Variants in FKBP5 observed in about 807,000 individuals in gnomAD.
FKBP5 encodes peptidyl-prolyl cis-trans isomerase FKBP5.
FKBP5 carries 23 observed loss-of-function variants against 50.5 expected under a neutral mutation model. The observed-to-expected ratio is 0.46, with a 90% confidence interval of 0.33 to 0.65. The LOEUF is 0.65. Ranked by LOEUF, FKBP5 falls within the 30% of genes least tolerant of loss-of-function variation. The probability of loss-of-function intolerance (pLI) is 0.02; values close to 1 mark genes in which losing one functional copy is unlikely to be tolerated. For synonymous variants in FKBP5, 176 were observed against 190.6 expected, an observed-to-expected ratio of 0.92 and a Z score of 0.63; for missense variants, 411 against 553.1, an observed-to-expected ratio of 0.74 and a Z score of 2.58.
At chr6:35,608,885 T>C (rs1025735885) in intron 5 of FKBP5, among the ~76,000 whole-genome samples, 2 of 152,078 alleles carry the variant, frequency 1.3e-5, no homozygotes, top group Non-Finnish European at 2.9e-5. Context: ...GCCACCTCTG[T>C]CTCCTGGGTT....
At chr6:35,665,608 A>G (rs1215854825) in intron 1 of FKBP5, among the ~76,000 whole-genome samples, 1 of 152,146 alleles carries the variant, frequency 6.6e-6, no homozygotes, top group Non-Finnish European at 1.5e-5. Context: ...TATCTTAAAC[A>G]TTCTAAAAAG....
chr6:35,587,830 G>A (rs1762651510), intron 7 of FKBP5, among the ~76,000 whole-genome samples: 1 of 152,138 alleles, frequency 6.6e-6, no homozygotes, highest in South Asian at 2.1e-4. Flanking sequence ...TTACAAGCTG[G>A]ATTTAGAAGG....
At chr6:35,700,103 A>G (rs1195985873) in intron 2 of FKBP5, among the ~76,000 whole-genome samples, 3 of 152,186 alleles carry the variant, frequency 2.0e-5, no homozygotes, top group Non-Finnish European at 4.4e-5. Flanking sequence ...AATTGTGTCC[A>G]GCTGGATTTC....
intron 1 of FKBP5, among the ~76,000 whole-genome samples, chr6:35,724,212 C>G (rs964162928): frequency 2.0e-5 from 3 of 152,194 alleles, no homozygotes; most frequent in African/African-American, 7.2e-5. Flanking sequence ...GGAACCCAGG[C>G]TCAGCCCCTG....
chr6:35,636,712 A>G (rs1170870079), intron 3 of FKBP5, among the ~76,000 whole-genome samples: 1 of 152,214 alleles, frequency 6.6e-6, no homozygotes, highest in Non-Finnish European at 1.5e-5. Flanking sequence ...GCTGGTTACC[A>G]CTGCCTTGAT....
rs185536192 is a variant in FKBP5, at chr6:35,617,072, G to A, written c.508+2024C>T. 6.4e-4 allele frequency among the ~76,000 whole-genome samples: 98 copies of A among 152,154 alleles called. 1 individual carries two copies. The highest frequency in any genetic ancestry group is 2.3e-3 in the African/African-American group (96 of 41,486). ...CCAGCCTGAGGCCAGGGCTGAGGCT[G>A]GAACCCTATCTCCCAACTCCTAGTC... On this transcript the variant is annotated intron_variant, in intron 5 of 10. Transcript: ENST00000357266.
At chr6:35,657,573 C>G (rs1220085216) in intron 1 of FKBP5, among the ~76,000 whole-genome samples, 1 of 152,218 alleles carries the variant, frequency 6.6e-6, no homozygotes, top group Non-Finnish European at 1.5e-5. Context: ...ACCTGGATAA[C>G]CCAGGATAAT....
intron 2 of FKBP5, among the ~76,000 whole-genome samples, chr6:35,716,632 T>C (rs1458315090): frequency 6.6e-6 from 1 of 152,090 alleles, no homozygotes; most frequent in African/African-American, 2.4e-5. Context: ...AGGCACATGC[T>C]CTGTACTCAG....
intron 1 of FKBP5, chr6:35,664,914 A>G (rs1765172694): frequency 6.6e-6 from 1 of 152,160 alleles, no homozygotes; most frequent in East Asian, 1.9e-4. Flanking sequence ...CATTTATTTC[A>G]TAATCTGTAT....
Position 35,583,911 on chromosome 6 carries a change from G to A in FKBP5, c.840+3123C>T, listed in dbSNP as rs186062389. ...GCAAGGGTGGTGAAAATATAGCAAA[G>A]CCCGATTTATCTGAAGAGTTTAGAG... On this transcript the variant is annotated intron_variant, in intron 8 of 10. Coordinates refer to ENST00000357266, the MANE Select transcript of FKBP5 (RefSeq NM_004117.4). 3.0e-6 allele frequency: 3 copies of A among 985,202 alleles called. No homozygotes were observed. In the East Asian group the frequency reaches 3.4e-4, roughly 112 times the overall value. 61.0% of individuals were successfully genotyped at this position (985,202 alleles called of 1,614,324 possible). A position where few individuals can be genotyped will look rare whatever the true frequency, so the allele number is the denominator to read the frequency against.
At chr6:35,708,428 A>G (rs1350938777) in intron 2 of FKBP5, among the ~76,000 whole-genome samples, 2 of 151,908 alleles carry the variant, frequency 1.3e-5, no homozygotes, top group African/African-American at 2.4e-5. Context: ...ATTTTTGTAT[A>G]TATAGTAGAG....
chr6:35,680,089 C>T (rs1042253732), intron 1 of FKBP5, among the ~76,000 whole-genome samples: 1 of 150,090 alleles, frequency 6.7e-6, no homozygotes, highest in Non-Finnish European at 1.5e-5. Flanking sequence ...ACTATATGAC[C>T]AAATAAAACA....
At chr6:35,590,814 G>C (rs1762794685) in intron 7 of FKBP5, among the ~76,000 whole-genome samples, 1 of 145,602 alleles carries the variant, frequency 6.9e-6, no homozygotes, top group African/African-American at 2.6e-5. Flanking sequence ...CCTCAACCCA[G>C]GAAAAAAAAA....
chr6:35,641,082 G>T (rs1404266721), intron 2 of FKBP5, among the ~76,000 whole-genome samples: 5 of 152,138 alleles, frequency 3.3e-5, no homozygotes, highest in Non-Finnish European at 7.3e-5. Context: ...AGGCTTACAT[G>T]ATCCTCCTGC....
At chr6:35,628,230 T>C (rs918717112) in intron 3 of FKBP5, among the ~76,000 whole-genome samples, 1 of 152,190 alleles carries the variant, frequency 6.6e-6, no homozygotes, top group Non-Finnish European at 1.5e-5. Flanking sequence ...CACCATTTGT[T>C]GAAAAGACTG....
chr6:35,619,726 T>C (rs1003071594), intron 4 of FKBP5, among the ~76,000 whole-genome samples: 8 of 152,222 alleles, frequency 5.3e-5, no homozygotes, highest in Admixed American at 2.0e-4. Flanking sequence ...CACCAACGGC[T>C]TCTAGAGAAG....
At chr6:35,584,905 T>A (rs930005255) in intron 8 of FKBP5, 1 of 985,496 alleles carries the variant, frequency 1.0e-6, no homozygotes, top group East Asian at 1.1e-4. Flanking sequence ...GTGATGCTGA[T>A]AAGCAACAAA....
intron 5 of FKBP5, among the ~76,000 whole-genome samples, chr6:35,604,204 C>T (rs1002545738): frequency 6.7e-6 from 1 of 148,602 alleles, no homozygotes; most frequent in Non-Finnish European, 1.5e-5. Context: ...AGAATGGGGT[C>T]TCACCATGTT....
chr6:35,631,555 T>A (rs921886228), intron 3 of FKBP5, among the ~76,000 whole-genome samples: 6 of 152,160 alleles, frequency 3.9e-5, no homozygotes, highest in Non-Finnish European at 8.8e-5. Context: ...AAGGGTAAAC[T>A]TTATTATACG....
Sources: allele counts gnomAD v4.1 joint callset (sites outside exome capture counted in the v4.1 genomes callset), GRCh38; gene constraint gnomAD v4.1.1; transcripts MANE v1.5; gene names NCBI Gene and HGNC (gene_info 2026-07-23, HGNC 2026-07-21).